RUNDC3B: variants seen among roughly 807,000 people sequenced by gnomAD.
The protein encoded by RUNDC3B is RUN domain-containing protein 3B.
In RUNDC3B, 33 loss-of-function variants were observed where a neutral mutation model predicts 58.4. The observed-to-expected ratio is 0.56, with a 90% CI of 0.43 to 0.75. RUNDC3B has a LOEUF of 0.75. RUNDC3B is among the 30% of genes least tolerant of loss of function. RUNDC3B has a pLI of 0.00. For synonymous variants in RUNDC3B, 193 were observed against 195.2 expected (o/e 0.99, Z 0.10); for missense variants, 501 against 535.7 (o/e 0.94, Z 0.64).
At chr7:87,773,441 A>G (rs1217305613) in intron 7 of RUNDC3B, among the ~76,000 whole-genome samples, 3 of 152,204 alleles carry the variant, frequency 2.0e-5, no homozygotes, top group South Asian at 4.1e-4. Flanking sequence ...AAATGTCCAG[A>G]ATAAATTGGT....
At chr7:87,667,670 G>C (rs1825400693) in intron 2 of RUNDC3B, among the ~76,000 whole-genome samples, 1 of 152,032 alleles carries the variant, frequency 6.6e-6, no homozygotes, top group Non-Finnish European at 1.5e-5. Flanking sequence ...TCAATACCTA[G>C]TTCACTGAGA....
At chr7:87,704,739 G>A (rs930466466) in intron 3 of RUNDC3B, among the ~76,000 whole-genome samples, 1 of 152,216 alleles carries the variant, frequency 6.6e-6, no homozygotes, top group Non-Finnish European at 1.5e-5. Context: ...AGTGGGGAAA[G>A]AGAATTATTT....
intron 10 of RUNDC3B, among the ~76,000 whole-genome samples, chr7:87,824,710 C>T (rs558934035): frequency 6.6e-6 from 1 of 152,266 alleles, no homozygotes; most frequent in Middle Eastern, 3.4e-3. Context: ...GACCAAAATG[C>T]TGATAATGAT....
chr7:87,796,189 T>C (rs1448102352), intron 8 of RUNDC3B, among the ~76,000 whole-genome samples: 1 of 152,058 alleles, frequency 6.6e-6, no homozygotes, highest in Admixed American at 6.6e-5. Flanking sequence ...CTGTGTTAAG[T>C]GAAATAAGCC....
At chr7:87,700,358 G>A (rs2130691889) in intron 2 of RUNDC3B, 63 bp from the exon 3 acceptor site, 1 of 1,332,708 alleles carries the variant, frequency 7.5e-7, no homozygotes, top group East Asian at 2.5e-5. Flanking sequence ...TATTGTTCTT[G>A]CATTTTCAAG....
At chr7:87,742,628 G>GT (rs915373350) in intron 6 of RUNDC3B, among the ~76,000 whole-genome samples, 1 of 146,576 alleles carries the variant, frequency 6.8e-6, no homozygotes, top group African/African-American at 2.5e-5. Flanking sequence ...AGATATCATG[G>GT]TTTTTTTAAT....
chr7:87,722,199 T>G (rs1830944910), intron 4 of RUNDC3B, among the ~76,000 whole-genome samples: 1 of 152,104 alleles, frequency 6.6e-6, no homozygotes, highest in Admixed American at 6.6e-5. Flanking sequence ...ACTTATCATT[T>G]TTTGTAGTGA....
chr7:87,635,525 G>C (rs1329078714), intron 1 of RUNDC3B, among the ~76,000 whole-genome samples: 1 of 152,098 alleles, frequency 6.6e-6, no homozygotes, highest in Non-Finnish European at 1.5e-5. Context: ...TTAGTGTCAA[G>C]TCTGTAGTCA....
intron 2 of RUNDC3B, among the ~76,000 whole-genome samples, chr7:87,688,866 T>C (rs1247755736): frequency 6.6e-6 from 1 of 152,008 alleles, no homozygotes; most frequent in Admixed American, 6.6e-5. Flanking sequence ...TGTATTTGTA[T>C]TTATTTATAA....
At chr7:87,763,125 A>G (rs1833789012) in intron 6 of RUNDC3B, among the ~76,000 whole-genome samples, 1 of 151,626 alleles carries the variant, frequency 6.6e-6, no homozygotes, top group Non-Finnish European at 1.5e-5. Context: ...TAATTTTAAT[A>G]TGCAGATTTA....
intron 4 of RUNDC3B, among the ~76,000 whole-genome samples, chr7:87,724,909 G>T (rs538802139): frequency 6.6e-6 from 1 of 151,700 alleles, no homozygotes; most frequent in African/African-American, 2.4e-5. Flanking sequence ...GTTTTTGAGT[G>T]ATTTTTTGAA....
chr7:87,674,740 T>A (rs1044720295), intron 2 of RUNDC3B, among the ~76,000 whole-genome samples: 4 of 152,034 alleles, frequency 2.6e-5, no homozygotes, highest in African/African-American at 9.7e-5. Context: ...TGGTTGGGCA[T>A]CTGAGGCCGC....
intron 3 of RUNDC3B, among the ~76,000 whole-genome samples, chr7:87,702,386 C>T (rs1447134600): frequency 6.6e-6 from 1 of 151,826 alleles, no homozygotes. Flanking sequence ...TCAAGTGATC[C>T]TCCAACCTCA....
intron 4 of RUNDC3B, among the ~76,000 whole-genome samples, chr7:87,716,344 A>T (rs1830554023): frequency 6.6e-6 from 1 of 152,194 alleles, no homozygotes. Context: ...TTCCCTGAAG[A>T]TTTCCTGAGT....
At chr7:87,711,035 A>T (rs1437850525) in intron 4 of RUNDC3B, among the ~76,000 whole-genome samples, 1 of 152,022 alleles carries the variant, frequency 6.6e-6, no homozygotes, top group Non-Finnish European at 1.5e-5. Context: ...GCTTGTAAAG[A>T]ATATACATTG....
chr7:87,809,357 G>A (rs545932811), intron 9 of RUNDC3B, among the ~76,000 whole-genome samples: 1 of 152,216 alleles, frequency 6.6e-6, no homozygotes, highest in Admixed American at 6.5e-5. Context: ...AAAAAAGTAT[G>A]CAGCTAGGGT....
At chr7:87,722,409 C>G (rs1456186456) in intron 4 of RUNDC3B, among the ~76,000 whole-genome samples, 2 of 152,046 alleles carry the variant, frequency 1.3e-5, no homozygotes, top group African/African-American at 4.8e-5. Flanking sequence ...TTTATAAGGT[C>G]AACATTTTAA....
intron 8 of RUNDC3B, among the ~76,000 whole-genome samples, chr7:87,782,390 T>C (rs1218744681): frequency 6.6e-6 from 1 of 152,148 alleles, no homozygotes; most frequent in African/African-American, 2.4e-5. Context: ...TAACAGTCTG[T>C]CAATCTTGTT....
intron 1 of RUNDC3B, among the ~76,000 whole-genome samples, chr7:87,632,495 G>C (rs1297555868): frequency 6.6e-6 from 1 of 151,942 alleles, no homozygotes; most frequent in Non-Finnish European, 1.5e-5. Context: ...ACAGATTTTG[G>C]TGAAGAGATA....
Sources: allele counts gnomAD v4.1 joint callset (sites outside exome capture counted in the v4.1 genomes callset), GRCh38; gene constraint gnomAD v4.1.1; transcripts MANE v1.5; gene names NCBI Gene and HGNC (gene_info 2026-07-23, HGNC 2026-07-21).